HAPLN1: variants seen among roughly 807,000 people sequenced by gnomAD.
HAPLN1 encodes the protein Cartilage link protein.
HAPLN1 carries 13 observed loss-of-function variants against 36.5 expected under a neutral mutation model. The observed-to-expected ratio is 0.36, with a 90% CI of 0.23 to 0.57. HAPLN1 has a LOEUF of 0.57. HAPLN1 is among the 20% of genes least tolerant of loss of function. HAPLN1 has a pLI of 0.83. For synonymous variants in HAPLN1, 202 were observed against 169.8 expected (o/e 1.19, Z -1.48); for missense variants, 407 against 439.7 (o/e 0.93, Z 0.66).
chr5:83,654,768 C>T (rs1750167371), intron 2 of HAPLN1, among the ~76,000 whole-genome samples: 1 of 152,208 alleles, frequency 6.6e-6, no homozygotes, highest in Admixed American at 6.5e-5. Flanking sequence ...GATATCATAG[C>T]AGTTGTGAAC....
chr5:83,649,018 T>C (rs1023199060), intron 3 of HAPLN1, among the ~76,000 whole-genome samples: 7 of 152,260 alleles, frequency 4.6e-5, no homozygotes, highest in Non-Finnish European at 8.8e-5. Context: ...GTTGTAAATT[T>C]ACTTTGAAAT....
intron 3 of HAPLN1, among the ~76,000 whole-genome samples, chr5:83,645,475 C>CTCTTTTTTTTTTTT (rs1749836848): frequency 1.3e-5 from 1 of 74,370 alleles, no homozygotes; most frequent in Non-Finnish European, 2.5e-5. Flanking sequence ...CTTTTTCTTT[C>CTCTTTTTTTTTTTT]TTTTTTTTTT....
At chr5:83,665,430 A>G (rs1465862747) in intron 2 of HAPLN1, among the ~76,000 whole-genome samples, 2 of 152,174 alleles carry the variant, frequency 1.3e-5, no homozygotes, top group East Asian at 1.9e-4. Context: ...ATAATTTCCA[A>G]TGCTTTCCAG....
At chr5:83,659,060 G>A (rs1352213340) in intron 2 of HAPLN1, among the ~76,000 whole-genome samples, 3 of 152,072 alleles carry the variant, frequency 2.0e-5, no homozygotes, top group African/African-American at 7.3e-5. Context: ...GATCACCTGA[G>A]GTCAGGTGTT....
chr5:83,682,452 T>TATTATG (rs1751027312), intron 1 of HAPLN1: 2 of 152,242 alleles, frequency 1.3e-5, no homozygotes, highest in Non-Finnish European at 2.9e-5. Flanking sequence ...TACCTAGTTA[T>TATTATG]ACTAAGTCAT....
intron 2 of HAPLN1, among the ~76,000 whole-genome samples, chr5:83,666,833 T>G (rs1405965821): frequency 2.0e-5 from 3 of 152,130 alleles, no homozygotes; most frequent in Non-Finnish European, 4.4e-5. Context: ...GGTTTATATT[T>G]CCACAGAGAA....
intron 1 of HAPLN1, chr5:83,674,192 A>T (rs529911229): frequency 6.6e-6 from 1 of 152,392 alleles, no homozygotes; most frequent in African/African-American, 2.4e-5. Context: ...AAACTAGGTT[A>T]GAGTTGTGCA....
At chr5:83,660,311 T>C (rs891362172) in intron 2 of HAPLN1, among the ~76,000 whole-genome samples, 31 of 152,310 alleles carry the variant, frequency 2.0e-4, no homozygotes, top group Non-Finnish European at 3.1e-4. Flanking sequence ...CCATGTTTCA[T>C]AGTAAAAAAA....
At chr5:83,673,322 T>C in intron 2 of HAPLN1, 102 bp downstream of exon 2, 1 of 762,896 alleles carries the variant, frequency 1.3e-6, no homozygotes, top group South Asian at 1.9e-5. Flanking sequence ...AAAGAAAAAG[T>C]CAATGCAGCA....
chr5:83,717,959 A>G (rs746581507), intron 1 of HAPLN1, among the ~76,000 whole-genome samples: 12 of 152,210 alleles, frequency 7.9e-5, no homozygotes, highest in Non-Finnish European at 1.6e-4. Context: ...GTAACCTTTT[A>G]AGCTAGTAGT....
At chr5:83,671,327 T>A (rs953115174) in intron 2 of HAPLN1, among the ~76,000 whole-genome samples, 1 of 152,200 alleles carries the variant, frequency 6.6e-6, no homozygotes, top group African/African-American at 2.4e-5. Flanking sequence ...TAACAGAAGC[T>A]CATACTGCTT....
At chr5:83,650,055 C>T (rs1213581745) in intron 3 of HAPLN1, among the ~76,000 whole-genome samples, 2 of 152,218 alleles carry the variant, frequency 1.3e-5, no homozygotes, top group East Asian at 1.9e-4. Context: ...CCTAGCTTAT[C>T]GCTCCAATAA....
chr5:83,700,451 C>G (rs1751482152), intron 1 of HAPLN1, among the ~76,000 whole-genome samples: 1 of 152,044 alleles, frequency 6.6e-6, no homozygotes, highest in African/African-American at 2.4e-5. Context: ...TACTGTTCAC[C>G]TCTCATCCTC....
intron 1 of HAPLN1, among the ~76,000 whole-genome samples, chr5:83,698,079 C>G (rs767684125): frequency 7.9e-5 from 12 of 152,028 alleles, no homozygotes; most frequent in African/African-American, 2.4e-4. Flanking sequence ...ATCTAGGAAA[C>G]CACTGCTTAA....
At chr5:83,653,438 C>T (rs1334125619) in intron 2 of HAPLN1, among the ~76,000 whole-genome samples, 1 of 152,180 alleles carries the variant, frequency 6.6e-6, no homozygotes, top group South Asian at 2.1e-4. Flanking sequence ...TTTGTTTTCA[C>T]AGGAAGTTTA....
At chr5:83,715,701 G>C (rs909984833) in intron 1 of HAPLN1, among the ~76,000 whole-genome samples, 1 of 152,126 alleles carries the variant, frequency 6.6e-6, no homozygotes, top group Admixed American at 6.5e-5. Context: ...AGTCCTCTTG[G>C]GGTTTTGGAG....
At chr5:83,643,666 G>A (rs1412030858) in intron 4 of HAPLN1, among the ~76,000 whole-genome samples, 1 of 151,398 alleles carries the variant, frequency 6.6e-6, no homozygotes, top group Non-Finnish European at 1.5e-5. Context: ...TGCCATGTCT[G>A]GTCTCAAACT....
intron 1 of HAPLN1, among the ~76,000 whole-genome samples, chr5:83,710,425 A>C (rs1751753805): frequency 6.6e-6 from 1 of 152,166 alleles, no homozygotes; most frequent in Non-Finnish European, 1.5e-5. Flanking sequence ...GCACTGAAAA[A>C]AAGTAATTGT....
At chr5:83,718,631 G>A (rs144732190) in intron 1 of HAPLN1, among the ~76,000 whole-genome samples, 1 of 151,984 alleles carries the variant, frequency 6.6e-6, no homozygotes, top group Non-Finnish European at 1.5e-5. Flanking sequence ...TAAATGACAG[G>A]CTAAGTACAC....
Sources: allele counts gnomAD v4.1 joint callset (sites outside exome capture counted in the v4.1 genomes callset), GRCh38; gene constraint gnomAD v4.1.1; transcripts MANE v1.5; gene names NCBI Gene and HGNC (gene_info 2026-07-23, HGNC 2026-07-21).